Variants in CSMD1 observed in about 807,000 individuals in gnomAD.
CSMD1 encodes CUB and Sushi multiple domains 1.
Under a neutral mutation model 417.5 loss-of-function variants are expected in CSMD1, and 213 were observed. That is an observed-to-expected ratio of 0.51 (90% CI 0.46 to 0.57). The LOEUF (loss-of-function observed/expected upper bound fraction) is 0.57, where lower values mean the gene tolerates loss of function less well. Ranked by LOEUF, CSMD1 falls within the 20% of genes least tolerant of loss-of-function variation. The pLI is 0.00. For missense variants in CSMD1, 6,923 were observed against 4,529.7 expected (o/e 1.53, Z -15.17); for synonymous variants, 2,862 against 1,736.8 (o/e 1.65, Z -16.11).
intron 8 of CSMD1, among the ~76,000 whole-genome samples, chr8:3,591,397 A>G (rs1256919883): frequency 6.6e-6 from 1 of 152,194 alleles, no homozygotes; most frequent in African/African-American, 2.4e-5. Context: ...CTATTTCCAA[A>G]CACGCTTTAG....
intron 12 of CSMD1, among the ~76,000 whole-genome samples, chr8:3,463,625 C>G (rs1023469559): frequency 6.6e-6 from 1 of 152,216 alleles, no homozygotes; most frequent in Admixed American, 6.5e-5. Flanking sequence ...GTGAGCTGTC[C>G]TCGGTTCAGG....
chr8:3,388,476 A>G (rs974555404), intron 17 of CSMD1, among the ~76,000 whole-genome samples: 8 of 152,238 alleles, frequency 5.3e-5, no homozygotes, highest in Admixed American at 2.6e-4. Flanking sequence ...TTGCTGTGTC[A>G]TCCTCTCAGT....
chr8:3,234,210 G>C lies in CSMD1; in HGVS notation c.4154-3979C>G, dbSNP rs139866420. ...AGCTTCACAATCTCTCTCCATTTCT[G>C]CATTTCATATCAACCGGGATTCCTT... On this transcript the variant is annotated intron_variant, in intron 26 of 69. Transcript: ENST00000635120. 7.0e-4 allele frequency among the ~76,000 whole-genome samples: 107 copies of C among 152,216 alleles called. 3 individuals carry two copies. In the East Asian group the frequency reaches 0.02, roughly 29 times the overall value.
At chr8:4,206,488 G>A (rs1032542535) in intron 3 of CSMD1, among the ~76,000 whole-genome samples, 21 of 152,138 alleles carry the variant, frequency 1.4e-4, no homozygotes, top group South Asian at 1.2e-3. Flanking sequence ...TTCCAGCTTC[G>A]TCCATGTCCC....
At chr8:4,030,790 G>A (rs2263475) in intron 4 of CSMD1, among the ~76,000 whole-genome samples, 22,209 of 152,210 alleles carry the variant, frequency 0.15, 2,292 homozygotes, top group East Asian at 0.35. Flanking sequence ...TGCTTTGCTT[G>A]CCTTATAAAA....
At chr8:4,173,843 C>G (rs1432327917) in intron 3 of CSMD1, among the ~76,000 whole-genome samples, 3 of 152,138 alleles carry the variant, frequency 2.0e-5, no homozygotes, top group Non-Finnish European at 4.4e-5. Context: ...CAGTTCTTCC[C>G]TACTTCTTGG....
Position 3,367,625 on chromosome 8 carries a change from T to C in CSMD1, c.2900-378A>G, listed in dbSNP as rs184034104. On this transcript the variant is annotated intron_variant, in intron 19 of 69. Transcript: ENST00000635120. ...AAAATTGGTGGAAAGAGGACGGCTT[T>C]AGAAATGAAAAAAAGCAGAAGGGAT... is the stretch of plus-strand genomic sequence containing the variant. Among the ~76,000 whole-genome samples, 760 of 152,132 alleles carry C rather than the reference T, an allele frequency of 5.0e-3. 10 individuals carry two copies. Among genetic ancestry groups the C allele is most frequent in the African/African-American group, 0.018 (728 of 41,510 alleles).
chr8:3,528,205 A>T (rs1018584250), intron 10 of CSMD1, among the ~76,000 whole-genome samples: 1 of 152,242 alleles, frequency 6.6e-6, no homozygotes, highest in Non-Finnish European at 1.5e-5. Flanking sequence ...TTTGTTGCAC[A>T]AATATTAAGT....
intron 3 of CSMD1, among the ~76,000 whole-genome samples, chr8:4,079,911 T>C (rs1177613875): frequency 6.6e-6 from 1 of 152,144 alleles, no homozygotes; most frequent in African/African-American, 2.4e-5. Context: ...ATTCTTGCCT[T>C]TCCACCCCTT....
intron 5 of CSMD1, among the ~76,000 whole-genome samples, chr8:3,939,861 A>G (rs907295717): frequency 2.0e-5 from 3 of 152,042 alleles, no homozygotes; most frequent in Non-Finnish European, 4.4e-5. Context: ...GGGTATTGGG[A>G]GAAGGGTAGG....
chr8:4,078,417 C>T (rs1306989465), intron 3 of CSMD1, among the ~76,000 whole-genome samples: 1 of 150,518 alleles, frequency 6.6e-6, no homozygotes, highest in Non-Finnish European at 1.5e-5. Context: ...CGGGTTCACG[C>T]CATTCTCCTG....
At chr8:4,306,472 T>G (rs374435859) in intron 3 of CSMD1, among the ~76,000 whole-genome samples, 4 of 152,226 alleles carry the variant, frequency 2.6e-5, no homozygotes, top group African/African-American at 9.6e-5. Flanking sequence ...ATATTGTGAA[T>G]GCCTCAGCAG....
intron 1 of CSMD1, among the ~76,000 whole-genome samples, chr8:4,660,248 A>C (rs1244316181): frequency 6.6e-6 from 1 of 152,140 alleles, no homozygotes; most frequent in Non-Finnish European, 1.5e-5. Context: ...TCCCATAACC[A>C]GTAAGTGATT....
chr8:4,191,315 G>C (rs891024859), intron 3 of CSMD1, among the ~76,000 whole-genome samples: 2 of 152,086 alleles, frequency 1.3e-5, no homozygotes, highest in African/African-American at 4.8e-5. Flanking sequence ...AGAATGGCGT[G>C]AACCCGGGAG....
chr8:3,819,276 C>T (rs1801577372), intron 5 of CSMD1, among the ~76,000 whole-genome samples: 1 of 152,132 alleles, frequency 6.6e-6, no homozygotes, highest in Admixed American at 6.5e-5. Flanking sequence ...TTATAAGGAA[C>T]TTCTCACCTC....
At chr8:3,115,631 G>C (rs1321653669) in intron 42 of CSMD1, among the ~76,000 whole-genome samples, 1 of 152,012 alleles carries the variant, frequency 6.6e-6, no homozygotes, top group Non-Finnish European at 1.5e-5. Context: ...TACTTTCATA[G>C]ATATCATAAT....
intron 3 of CSMD1, among the ~76,000 whole-genome samples, chr8:4,041,435 G>C (rs932691730): frequency 1.0e-3 from 158 of 152,186 alleles, no homozygotes; most frequent in African/African-American, 3.6e-3. Context: ...AACTTCTTTC[G>C]TGCCTCAACC....
chr8:3,603,949 T>A (rs1252237014), intron 8 of CSMD1, among the ~76,000 whole-genome samples: 10 of 152,206 alleles, frequency 6.6e-5, no homozygotes, highest in Non-Finnish European at 1.3e-4. Context: ...TTGGGAATAA[T>A]TATGTTCTTA....
chr8:3,484,974 T>C (rs1817941422), intron 11 of CSMD1, among the ~76,000 whole-genome samples: 1 of 152,200 alleles, frequency 6.6e-6, no homozygotes, highest in African/African-American at 2.4e-5. Flanking sequence ...GCTGTGATGT[T>C]GGAGAACCAT....
Sources: allele counts gnomAD v4.1 joint callset (sites outside exome capture counted in the v4.1 genomes callset), GRCh38; gene constraint gnomAD v4.1.1; transcripts MANE v1.5; gene names NCBI Gene and HGNC (gene_info 2026-07-23, HGNC 2026-07-21).